LSAMP: variants seen among roughly 807,000 people sequenced by gnomAD.
The protein encoded by LSAMP is limbic system-associated membrane protein.
A neutral mutation model predicts 38.6 loss-of-function variants in LSAMP; 7 were observed. The observed-to-expected ratio is 0.18, with a 90% CI of 0.10 to 0.34. LSAMP has a LOEUF of 0.34. Among genes scored for constraint, LSAMP ranks in the 10% least tolerant of loss-of-function variants. LSAMP has a pLI of 1.00. For synonymous variants in LSAMP, 154 were observed against 166.8 expected, an observed-to-expected ratio of 0.92 and a Z score of 0.59; for missense variants, 313 against 420.0, an observed-to-expected ratio of 0.75 and a Z score of 2.23.
intron 3 of LSAMP, among the ~76,000 whole-genome samples, chr3:115,885,189 G>T (rs1455272719): frequency 1.3e-5 from 2 of 151,926 alleles, no homozygotes; most frequent in East Asian, 3.9e-4. Flanking sequence ...CCATGTGGCT[G>T]GTGTTCTGGG....
At chr3:115,924,711 A>G (rs1422002526) in intron 3 of LSAMP, among the ~76,000 whole-genome samples, 1 of 152,204 alleles carries the variant, frequency 6.6e-6, no homozygotes, top group East Asian at 1.9e-4. Context: ...GGGAAATACA[A>G]TATGCTTAAA....
At chr3:116,403,303 A>G (rs970688051) in intron 1 of LSAMP, among the ~76,000 whole-genome samples, 4 of 152,204 alleles carry the variant, frequency 2.6e-5, no homozygotes, top group African/African-American at 9.6e-5. Flanking sequence ...TTAAAACTAC[A>G]TAATTGTGAA....
In LSAMP at chr3:116,086,552, C is replaced by T. The variant is rs374906199; in HGVS notation, c.160G>A (p.Val54Ile). The T allele has an allele frequency of 5.1e-5, 82 of 1,613,534 alleles. No individual in the cohort carries two copies. The highest frequency in any genetic ancestry group is 2.8e-4 in the Admixed American group (17 of 60,020). ...RQGDTAILRCVVEDKNSKVAW... is the reference protein window; with the variant it reads ...RQGDTAILRCIVEDKNSKVAW... Reference sequence around the variant, plus strand: ...ACCTTTGAGTTCTTGTCTTCTACAACGCACCTGACAGAGCAGAGTAACAAT... The same window carrying T: ...ACCTTTGAGTTCTTGTCTTCTACAATGCACCTGACAGAGCAGAGTAACAAT... The change falls in exon 2 of 7, where the codon GTT (valine) becomes ATT (isoleucine). Residue 54 changes from valine to isoleucine, a missense_variant. Val to Ile is a conservative substitution (Grantham distance 29, BLOSUM62 3). Transcript: ENST00000490035.
At chr3:116,425,712 C>G (rs1490981169) in intron 1 of LSAMP, among the ~76,000 whole-genome samples, 1 of 151,434 alleles carries the variant, frequency 6.6e-6, no homozygotes, top group Non-Finnish European at 1.5e-5. Flanking sequence ...AACATAAGCA[C>G]AAAATTGATA....
At chr3:115,977,915 A>C (rs1939238946) in intron 3 of LSAMP, among the ~76,000 whole-genome samples, 1 of 152,144 alleles carries the variant, frequency 6.6e-6, no homozygotes, top group Non-Finnish European at 1.5e-5. Context: ...ATTTATCCTA[A>C]GTTATTAAAA....
At chr3:116,112,326 T>C (rs1369194808) in intron 1 of LSAMP, among the ~76,000 whole-genome samples, 1 of 152,166 alleles carries the variant, frequency 6.6e-6, no homozygotes, top group Non-Finnish European at 1.5e-5. Context: ...ATAAGTATGA[T>C]ACAGGGCAGG....
At chr3:116,130,642 T>C (rs1709104225) in intron 1 of LSAMP, among the ~76,000 whole-genome samples, 1 of 152,188 alleles carries the variant, frequency 6.6e-6, no homozygotes, top group African/African-American at 2.4e-5. Context: ...CAAAATAATC[T>C]ATTCTTATTC....
intron 3 of LSAMP, among the ~76,000 whole-genome samples, chr3:115,868,623 C>T (rs2107384477): frequency 6.6e-6 from 1 of 152,046 alleles, no homozygotes; most frequent in East Asian, 1.9e-4. Flanking sequence ...AGATATGAAA[C>T]TTAATTAACT....
chr3:115,996,765 G>A (rs1391871375), intron 3 of LSAMP, among the ~76,000 whole-genome samples: 1 of 152,016 alleles, frequency 6.6e-6, no homozygotes, highest in Admixed American at 6.6e-5. Flanking sequence ...CTCAGGAAAG[G>A]TCATTTCCTC....
At chr3:116,110,165 TAGAGACAAGG>T in intron 1 of LSAMP, among the ~76,000 whole-genome samples, 1 of 147,486 alleles carries the variant, frequency 6.8e-6, no homozygotes, top group African/African-American at 2.5e-5. Flanking sequence ...AGAGAAGGGG[TAGAGACAAGG>T]AGAGAAGGGG....
chr3:116,391,934 C>T (rs1387095208), intron 1 of LSAMP, among the ~76,000 whole-genome samples: 5 of 152,178 alleles, frequency 3.3e-5, no homozygotes, highest in Non-Finnish European at 7.4e-5. Context: ...AGGGTGACTG[C>T]CAACCCTGAC....
intron 3 of LSAMP, among the ~76,000 whole-genome samples, chr3:115,915,292 A>T (rs1468399876): frequency 6.6e-6 from 1 of 152,188 alleles, no homozygotes; most frequent in African/African-American, 2.4e-5. Flanking sequence ...CTTGCTGATG[A>T]CTGAGGTGAT....
Position 115,841,836 on chromosome 3 carries a change from C to G in LSAMP, c.919+9G>C. ...TCCATCAAGTTGGGCCCTGCTTTGG[C>G]ATACTTACTGAAAAGGACTAGGCTG... is the stretch of plus-strand genomic sequence containing the variant. On this transcript the variant is annotated intron_variant, in intron 6 of 6. Coordinates refer to ENST00000490035, the MANE Select transcript of LSAMP (RefSeq NM_002338.5). The G allele has an allele frequency of 6.3e-7, 1 of 1,595,314 alleles. No individual in the cohort carries two copies. The highest frequency in any genetic ancestry group is 8.5e-7 in the Non-Finnish European group (1 of 1,172,190).
intron 1 of LSAMP, among the ~76,000 whole-genome samples, chr3:116,414,278 C>T (rs1219015820): frequency 6.6e-6 from 1 of 151,918 alleles, no homozygotes; most frequent in Non-Finnish European, 1.5e-5. Context: ...CCTAAAATAC[C>T]CCCTACTCCT....
intron 1 of LSAMP, among the ~76,000 whole-genome samples, chr3:116,275,253 A>G (rs932654181): frequency 1.3e-5 from 2 of 151,950 alleles, no homozygotes; most frequent in Non-Finnish European, 2.9e-5. Context: ...AGGTCTCACT[A>G]TGTTGTCCAG....
chr3:116,402,196 G>C (rs13321959), intron 1 of LSAMP, among the ~76,000 whole-genome samples: 9,416 of 152,148 alleles, frequency 0.062, 386 homozygotes, highest in African/African-American at 0.12. Flanking sequence ...TCACATGTTA[G>C]GGCTAAAGAC....
chr3:115,827,322 G>T (rs546178851), intron 6 of LSAMP, among the ~76,000 whole-genome samples: 1 of 143,104 alleles, frequency 7.0e-6, no homozygotes, highest in East Asian at 2.1e-4. Flanking sequence ...CCAAGGCACG[G>T]TTATTTTCTA....
At chr3:116,208,786 A>C (rs2046107265) in intron 1 of LSAMP, among the ~76,000 whole-genome samples, 1 of 152,174 alleles carries the variant, frequency 6.6e-6, no homozygotes, top group Admixed American at 6.5e-5. Context: ...TGCTGGGAGA[A>C]CCACTGCTCT....
intron 2 of LSAMP, among the ~76,000 whole-genome samples, chr3:116,061,240 C>A (rs779568192): frequency 1.3e-5 from 2 of 152,182 alleles, no homozygotes; most frequent in Admixed American, 6.5e-5. Context: ...GAATCCAGGT[C>A]TCTCTGCTCC....
Sources: gnomAD v4.1 joint callset for allele counts (sites outside exome capture counted in the v4.1 genomes callset) on GRCh38, gnomAD v4.1.1 for gene constraint, MANE v1.5 for transcripts, NCBI Gene and HGNC (gene_info 2026-07-23, HGNC 2026-07-21) for gene names.